CLPTM1: variants seen among roughly 807,000 people sequenced by gnomAD.
CLPTM1 encodes the protein putative lipid scramblase CLPTM1.
A neutral mutation model predicts 77.3 loss-of-function variants in CLPTM1; 21 were observed. The observed-to-expected ratio is 0.27, with a 90% CI of 0.19 to 0.39. CLPTM1 has a LOEUF of 0.39. Ranked by LOEUF, CLPTM1 falls within the 10% of genes least tolerant of loss-of-function variation. The probability of loss-of-function intolerance (pLI) is 1.00; values close to 1 mark genes in which losing one functional copy is unlikely to be tolerated. For synonymous variants in CLPTM1, 373 were observed against 381.0 expected, an observed-to-expected ratio of 0.98 and a Z score of 0.24; for missense variants, 642 against 921.2, an observed-to-expected ratio of 0.70 and a Z score of 3.92.
At chr19:44,970,014 T>C (rs1970693845) in intron 2 of CLPTM1, among the ~76,000 whole-genome samples, 1 of 147,642 alleles carries the variant, frequency 6.8e-6, no homozygotes, top group South Asian at 2.1e-4. Context: ...CTGCTGATTC[T>C]CGCTCATAAT....
chr19:44,955,103 G>C, upstream of CLPTM1: 1 of 1,535,736 alleles, frequency 6.5e-7, no homozygotes, highest in Middle Eastern at 1.7e-4. Context: ...AATGTGAAGG[G>C]ACGGAAGGGA....
intron 1 of CLPTM1, among the ~76,000 whole-genome samples, chr19:44,961,489 A>C (rs1039584180): frequency 6.6e-6 from 1 of 152,220 alleles, no homozygotes; most frequent in South Asian, 2.1e-4. Context: ...AGTCATCAGA[A>C]TCAGACTGTG....
At chr19:44,965,400 A>G (rs1304346172) in intron 2 of CLPTM1, among the ~76,000 whole-genome samples, 1 of 152,128 alleles carries the variant, frequency 6.6e-6, no homozygotes, top group Admixed American at 6.5e-5. Context: ...CGGGAGGCTG[A>G]GGCAGGAGAA....
upstream of CLPTM1, chr19:44,954,705 T>C: frequency 2.5e-6 from 3 of 1,198,450 alleles, no homozygotes; most frequent in South Asian, 6.7e-5. Context: ...ATGCGAGGTT[T>C]GGACCACTGA....
Position 44,992,488 on chromosome 19 carries a change from C to T in CLPTM1, c.1723+88C>T. 2 of 1,591,326 alleles carry T rather than the reference C, an allele frequency of 1.3e-6. No individual in the cohort carries two copies. Among genetic ancestry groups the T allele is most frequent in the Non-Finnish European group, 1.7e-6 (2 of 1,163,764 alleles). ...CCCAGGCCTGAGGGGGTGCCACGGCCCCAGATGGGGTGCTCAGTCTGAGGG... is the reference window on the plus strand; with the variant it reads ...CCCAGGCCTGAGGGGGTGCCACGGCTCCAGATGGGGTGCTCAGTCTGAGGG... On this transcript the variant is annotated intron_variant, in intron 13 of 13. Transcript: ENST00000337392. The surrounding 1 kb of genome is among the most constrained non-coding windows in gnomAD (Gnocchi z 7.7).
At chr19:44,964,845 G>T (rs982208743) in intron 2 of CLPTM1, among the ~76,000 whole-genome samples, 4 of 152,108 alleles carry the variant, frequency 2.6e-5, no homozygotes, top group African/African-American at 9.7e-5. Flanking sequence ...GACAGCATTT[G>T]TCCTTCTGTG....
At position 44,973,081 on chromosome 19, in the gene CLPTM1, C is replaced by T. The variant is rs1022257077; in HGVS notation, c.186-6C>T. Reference sequence around the variant, plus strand: ...GGACTCACCACCTTGCTGCTTCTCTCCTCAGGATCTTCATCATCTGGGCCA... The same window carrying T: ...GGACTCACCACCTTGCTGCTTCTCTTCTCAGGATCTTCATCATCTGGGCCA... On this transcript the variant is annotated splice_polypyrimidine_tract_variant and splice_region_variant and intron_variant, in intron 2 of 13. Transcript: ENST00000337392. 1.9e-6 allele frequency: 3 copies of T among 1,613,346 alleles called. No individual in the cohort carries two copies. The highest frequency in any genetic ancestry group is 2.5e-6 in the Non-Finnish European group (3 of 1,179,592).
chr19:44,982,493 G>A (rs973206403), intron 5 of CLPTM1, among the ~76,000 whole-genome samples: 1 of 152,198 alleles, frequency 6.6e-6, no homozygotes, highest in Non-Finnish European at 1.5e-5. Flanking sequence ...CTCCAAGAAA[G>A]GGGGGCTTTT....
intron 1 of CLPTM1, 48 bp downstream of exon 1, chr19:44,955,515 G>C: frequency 7.9e-6 from 10 of 1,259,738 alleles, no homozygotes; most frequent in Non-Finnish European, 1.0e-5. Flanking sequence ...CAGCCGGGGG[G>C]CCTCCCACGG....
Position 44,977,464 on chromosome 19 carries a change from A to C in CLPTM1, c.586+4A>C, listed in dbSNP as rs1970823666. On this transcript the variant is annotated splice_donor_region_variant and intron_variant, in intron 5 of 13. Transcript: ENST00000337392. The stretch of plus-strand genomic sequence containing the variant: ...GCCACAGTCCACATGTCCCGGAGTA[A>C]GTCGCTCCCCTGCAGCCAGGACCCA... 1 of 1,598,644 alleles carries C rather than the reference A, an allele frequency of 6.3e-7. No homozygotes were observed. Among genetic ancestry groups the C allele is most frequent in the African/African-American group, 1.3e-5 (1 of 74,666 alleles).
intron 5 of CLPTM1, among the ~76,000 whole-genome samples, chr19:44,981,936 C>G (rs563589377): frequency 6.6e-6 from 1 of 152,156 alleles, no homozygotes; most frequent in Admixed American, 6.5e-5. Flanking sequence ...AAAGAAAAAC[C>G]ATGAGATTAA....
At chr19:44,966,253 T>C (rs923142021) in intron 2 of CLPTM1, among the ~76,000 whole-genome samples, 1 of 151,636 alleles carries the variant, frequency 6.6e-6, no homozygotes, top group South Asian at 2.1e-4. Context: ...CTACTAAAAA[T>C]ATAAAAAATT....
In CLPTM1 at chr19:44,973,761, GT is replaced by G. The variant is rs71173113; in HGVS notation, c.309+571del. 8.4e-3 allele frequency among the ~76,000 whole-genome samples: 522 copies of G among 62,440 alleles called. 7 individuals carry two copies. Among genetic ancestry groups the G allele is most frequent in the African/African-American group, 0.022 (490 of 22,524 alleles). The allele number at this position is 62,440 out of a possible 152,430, so 41.0% of individuals were successfully genotyped here. On this transcript the variant is annotated intron_variant, in intron 3 of 13. Transcript: ENST00000337392. ...GGAAGTTCTTGTTGGGTCACAGTGGGTTTTTTTTTTTTTTTTTTTTGAGATG... is the reference window on the plus strand; with the variant it reads ...GGAAGTTCTTGTTGGGTCACAGTGGGTTTTTTTTTTTTTTTTTTTGAGATG...
In CLPTM1 at chr19:44,993,235, T is replaced by G; in HGVS notation, c.*338T>G. 1.9e-6 allele frequency: 1 copy of G among 529,300 alleles called. No homozygotes were observed. The highest frequency in any genetic ancestry group is 3.6e-6 in the Non-Finnish European group (1 of 276,400). The allele number at this position is 529,300 out of a possible 1,614,324, so 32.8% of individuals were successfully genotyped here. Reference sequence around the variant, plus strand: ...CCCCCCTACGGGATGCCCACGGCCGTTCATCATCTTGTCCCTCGTCCCCCT... The same window carrying G: ...CCCCCCTACGGGATGCCCACGGCCGGTCATCATCTTGTCCCTCGTCCCCCT... On this transcript the variant is annotated 3_prime_UTR_variant, in exon 14 of 14. Coordinates refer to ENST00000337392, the MANE Select transcript of CLPTM1 (RefSeq NM_001294.4).
chr19:44,959,220 CT>C lies in CLPTM1; in HGVS notation c.73-2730del, dbSNP rs921521738. Among the ~76,000 whole-genome samples, 354 of 144,242 alleles carry C rather than the reference CT, an allele frequency of 2.5e-3. 3 individuals carry two copies. The highest frequency in any genetic ancestry group is 5.7e-3 in the African/African-American group (228 of 39,710). 94.6% of individuals were successfully genotyped at this position (144,242 alleles called of 152,430 possible). A position where few individuals can be genotyped will look rare whatever the true frequency, so the allele number is the denominator to read the frequency against. On this transcript the variant is annotated intron_variant, in intron 1 of 13. Coordinates refer to ENST00000337392, the MANE Select transcript of CLPTM1 (RefSeq NM_001294.4). ...GCTTTTCTGTGGCTGTATTTTGTTT[CT>C]TTTTTTTTTTTTCTAAGTAAGAGAG...
At position 44,973,167 on chromosome 19, in the gene CLPTM1, C is replaced by T. The variant is rs1223291329; in HGVS notation, c.266C>T (p.Pro89Leu). The T allele has an allele frequency of 9.3e-6, 15 of 1,613,868 alleles. No individual in the cohort carries two copies. The highest frequency in any genetic ancestry group is 1.3e-5 in the Non-Finnish European group (15 of 1,179,932). Reference sequence around the variant, plus strand: ...GACCAGGCGGGCCCCGGAGGAGCTCCACGCGTCGCCAGCCGCAACCTGTTC... The same window carrying T: ...GACCAGGCGGGCCCCGGAGGAGCTCTACGCGTCGCCAGCCGCAACCTGTTC... ...PQDQAGPGGA[P>L]RVASRNLFPK... Residue 89 changes from proline to leucine, a missense_variant, in exon 3 of 14, where the codon CCA becomes CTA. Pro to Leu is a moderately conservative substitution (Grantham distance 98, BLOSUM62 -3). Around this residue, in one of 2 missense-constraint regions of CLPTM1, gnomAD observed 521 missense variants for 800.4 expected, o/e 0.65. Transcript: ENST00000337392.
At chr19:44,983,910 C>G (rs367905766) in intron 5 of CLPTM1, among the ~76,000 whole-genome samples, 3 of 152,094 alleles carry the variant, frequency 2.0e-5, no homozygotes, top group East Asian at 1.9e-4. Context: ...TGCAGTGAGC[C>G]GAGATTGTGC....
rs566288411 is a variant in CLPTM1 at position 44,993,286 on chromosome 19, G to A, written c.*389G>A. On this transcript the variant is annotated 3_prime_UTR_variant, in exon 14 of 14. Transcript: ENST00000337392. ...ACCACACTCCCCCTCCTAGACCGCC[G>A]CCCTTTAACACAGTCTGGATTTAAT... 11 of 439,568 alleles carry A rather than the reference G, an allele frequency of 2.5e-5. No individual in the cohort carries two copies. The highest frequency in any genetic ancestry group is 1.1e-4 in the Admixed American group (4 of 37,410). 27.2% of individuals were successfully genotyped at this position (439,568 alleles called of 1,614,324 possible). A position where few individuals can be genotyped will look rare whatever the true frequency, so the allele number is the denominator to read the frequency against.
Position 44,991,476 on chromosome 19 carries a change from G to T in CLPTM1, c.1555+103G>T. ...CCATCCCCAGACAGGGACAACCTAG[G>T]GTGGGCAGAGCTGGGATATAGGGAG... is the stretch of plus-strand genomic sequence containing the variant. On this transcript the variant is annotated intron_variant, in intron 12 of 13. Coordinates refer to ENST00000337392, the MANE Select transcript of CLPTM1 (RefSeq NM_001294.4). This position sits in a 1 kb window ranked among gnomAD's most constrained non-coding sequence, Gnocchi z 5.4. 2 of 1,451,018 alleles carry T rather than the reference G, an allele frequency of 1.4e-6. No homozygotes were observed. The highest frequency in any genetic ancestry group is 1.9e-6 in the Non-Finnish European group (2 of 1,066,396). 89.9% of individuals were successfully genotyped at this position (1,451,018 alleles called of 1,614,324 possible). A position where few individuals can be genotyped will look rare whatever the true frequency, so the allele number is the denominator to read the frequency against.
Sources: gnomAD v4.1 joint callset for allele counts (sites outside exome capture counted in the v4.1 genomes callset) on GRCh38, gnomAD v4.1.1 for gene constraint, gnomAD v4.1.1 regional missense constraint, Gnocchi (gnomAD v3.1) non-coding constraint, MANE v1.5 for transcripts, NCBI Gene and HGNC (gene_info 2026-07-23, HGNC 2026-07-21) for gene names.